The following ANKRD26 variants were observed in gnomAD, a reference collection of about 807,000 sequenced individuals.
The protein encoded by ANKRD26 is ankyrin repeat domain-containing protein 26.
Under a neutral mutation model 208.7 loss-of-function variants are expected in ANKRD26, and 141 were observed. The ratio of observed to expected loss-of-function variants is 0.68; its 90% CI spans 0.59 to 0.78. ANKRD26 has a LOEUF of 0.78. Among genes scored for constraint, ANKRD26 ranks in the 30% least tolerant of loss-of-function variants. The probability of loss-of-function intolerance (pLI) is 0.00; values close to 1 mark genes in which losing one functional copy is unlikely to be tolerated. For missense variants in ANKRD26, 1,889 were observed against 1,938.7 expected, an observed-to-expected ratio of 0.97 and a Z score of 0.48; for synonymous variants, 636 against 660.4, an observed-to-expected ratio of 0.96 and a Z score of 0.57.
intron 15 of ANKRD26, among the ~76,000 whole-genome samples, chr10:27,053,864 C>G (rs536971184): frequency 9.8e-5 from 15 of 152,310 alleles, no homozygotes; most frequent in African/African-American, 3.1e-4. Flanking sequence ...ATAATGTTCT[C>G]TATAACAGTA....
At chr10:27,016,253 T>C (rs2134952987) in intron 30 of ANKRD26, among the ~76,000 whole-genome samples, 1 of 152,250 alleles carries the variant, frequency 6.6e-6, no homozygotes, top group East Asian at 1.9e-4. Context: ...GCCCTCAAAG[T>C]GCTAGGATTA....
chr10:27,035,422 G>A lies in ANKRD26; in HGVS notation c.3028C>T (p.His1010Tyr), dbSNP rs1316533111. The change falls in exon 24 of 34, where the codon CAT becomes TAT. Residue 1010 changes from histidine (H) to tyrosine (Y), a missense_variant. Transcript: ENST00000376087. The stretch of plus-strand genomic sequence containing the variant: ...TGTATAGCAGCAGCCAATCTAGAAT[G>A]GTATGATTCAACTTCTGCTTCCAGT... The part of the protein sequence containing the change: ...ERLEAEVESY[H>Y]SRLAAAIHDR... 6.2e-7 allele frequency: 1 copy of A among 1,613,858 alleles called. No homozygotes were observed. The highest frequency in any genetic ancestry group is 1.1e-5 in the South Asian group (1 of 91,056).
the ANKRD26 span, among the ~76,000 whole-genome samples, chr10:26,954,968 G>T: frequency 6.7e-6 from 1 of 148,940 alleles, no homozygotes; most frequent in East Asian, 1.9e-4. Flanking sequence ...GCCATGTATT[G>T]CCTGGTCTTA....
In ANKRD26 at chr10:27,026,610, G is replaced by GT. The variant is rs1158166803; in HGVS notation, c.3973-2052dup. The stretch of plus-strand genomic sequence containing the variant: ...GCATCAACCTCATTGCTCCACTTTA[G>GT]TATTTACAATGCAACCTTCTGATCT... On this transcript the variant is annotated intron_variant, in intron 27 of 33. Coordinates refer to ENST00000376087, the MANE Select transcript of ANKRD26 (RefSeq NM_014915.3). Among the ~76,000 whole-genome samples, 15 of 152,274 alleles carry GT rather than the reference G, an allele frequency of 9.9e-5. No individual in the cohort carries two copies. In the South Asian group the frequency reaches 2.5e-3, roughly 25 times the overall value.
chr10:26,972,369 C>G (rs1458205031), downstream of ANKRD26, among the ~76,000 whole-genome samples: 3 of 151,600 alleles, frequency 2.0e-5, no homozygotes, highest in African/African-American at 7.3e-5. Context: ...AGTATACTCT[C>G]AAAATTCTAA....
At chr10:26,972,245 A>C (rs1222973273), downstream of ANKRD26, among the ~76,000 whole-genome samples, 2 of 151,784 alleles carry the variant, frequency 1.3e-5, no homozygotes, top group Non-Finnish European at 2.9e-5. Flanking sequence ...AAAAAAAAAA[A>C]AAAAAAGAAA....
At chr10:27,031,897 G>T (rs1373716569) in intron 25 of ANKRD26, among the ~76,000 whole-genome samples, 1 of 152,006 alleles carries the variant, frequency 6.6e-6, no homozygotes, top group African/African-American at 2.4e-5. Context: ...TTGCATTTTG[G>T]AGAAAAGTTA....
Position 27,035,751 on chromosome 10 carries a change from T to C in ANKRD26, c.2699A>G (p.Asn900Ser). 1.2e-6 allele frequency: 2 copies of C among 1,600,466 alleles called. No homozygotes were observed. Among genetic ancestry groups the C allele is most frequent in the Non-Finnish European group, 1.7e-6 (2 of 1,170,868 alleles). The change falls in exon 24 of 34, where the codon AAT becomes AGT. Residue 900 changes from asparagine to serine, a missense_variant and splice_region_variant. Asn to Ser is a conservative substitution (Grantham distance 46). This residue lies in a region of ANKRD26 where 1,272 missense variants were observed against 1,273.8 expected (regional missense o/e 1.00). Transcript: ENST00000376087. The part of the protein sequence containing the change: ...EMAQKKMNSE[N>S]SHSHEEEKDL... Reference sequence around the variant, plus strand: ...TTTTTCTTCTTCATGACTATGAGAATTCTAAGTAAAACAAAGGAAACTTTG... The same window carrying C: ...TTTTTCTTCTTCATGACTATGAGAACTCTAAGTAAAACAAAGGAAACTTTG...
intron 26 of ANKRD26, 32 bp downstream of exon 26, chr10:27,029,251 AATC>A (rs754101571): frequency 1.9e-6 from 3 of 1,579,498 alleles, no homozygotes; most frequent in African/African-American, 1.3e-5. Flanking sequence ...CTCTATAAAT[AATC>A]ATGTTTTTCT....
At chr10:26,960,125 G>A in the ANKRD26 span, among the ~76,000 whole-genome samples, 1 of 151,980 alleles carries the variant, frequency 6.6e-6, no homozygotes, top group Non-Finnish European at 1.5e-5. Context: ...CTCTAGCCTG[G>A]GGGACAGAGC....
intron 29 of ANKRD26, among the ~76,000 whole-genome samples, chr10:27,019,369 G>A (rs542885857): frequency 1.3e-5 from 2 of 152,210 alleles, no homozygotes; most frequent in Non-Finnish European, 2.9e-5. Flanking sequence ...AATTAATAGA[G>A]TGAAGAGAGA....
chr10:27,051,750 T>G (rs946932567), intron 16 of ANKRD26: 89 of 985,276 alleles, frequency 9.0e-5, no homozygotes, highest in Non-Finnish European at 9.6e-5. Flanking sequence ...GACAGGAGAA[T>G]CTTTTTCATC....
intron 5 of ANKRD26, among the ~76,000 whole-genome samples, chr10:27,085,169 C>T (rs539606205): frequency 1.1e-4 from 16 of 151,432 alleles, no homozygotes; most frequent in Non-Finnish European, 2.9e-5. Flanking sequence ...GACACAATCT[C>T]GGCTCACTGC....
chr10:26,961,071 G>T, the ANKRD26 span, among the ~76,000 whole-genome samples: 1 of 152,032 alleles, frequency 6.6e-6, no homozygotes, highest in African/African-American at 2.4e-5. Flanking sequence ...ACAAAAATTA[G>T]CTAGGTGTGG....
chr10:26,989,970 G>C (rs574304098), downstream of ANKRD26, among the ~76,000 whole-genome samples: 5 of 152,282 alleles, frequency 3.3e-5, no homozygotes, highest in Admixed American at 3.3e-4. Flanking sequence ...TCAAGTGCTA[G>C]AGAGTTCTCG....
intron 5 of ANKRD26, among the ~76,000 whole-genome samples, chr10:27,083,936 C>T (rs1417157096): frequency 1.3e-5 from 2 of 152,160 alleles, no homozygotes; most frequent in Non-Finnish European, 2.9e-5. Context: ...GCACCTAGGC[C>T]GGGTGCAGTG....
chr10:26,978,715 G>A (rs2052262618), intron 5 of ANKRD26, among the ~76,000 whole-genome samples: 1 of 152,164 alleles, frequency 6.6e-6, no homozygotes, highest in African/African-American at 2.4e-5. Context: ...CCCTGGGCAT[G>A]TATGCGCAAG....
At chr10:27,083,316 T>A (rs1410829999) in intron 5 of ANKRD26, among the ~76,000 whole-genome samples, 1 of 152,072 alleles carries the variant, frequency 6.6e-6, no homozygotes, top group Non-Finnish European at 1.5e-5. Context: ...AACTGATAGC[T>A]TTCACAAGGA....
chr10:27,017,412 A>AT lies in ANKRD26; in HGVS notation c.4506+89dup, dbSNP rs2053333075. 8.8e-6 allele frequency: 12 copies of AT among 1,367,682 alleles called. No individual in the cohort carries two copies. The South Asian group carries it at 1.3e-4, about 15-fold the overall frequency. The allele number at this position is 1,367,682 out of a possible 1,614,324, so 84.7% of individuals were successfully genotyped here. ...CTAGAAATCTACAGAACAAATTGCT[A>AT]TAAGGGATGTAGAGGAAACACATAT... is the stretch of plus-strand genomic sequence containing the variant. On this transcript the variant is annotated intron_variant, in intron 30 of 33. Transcript: ENST00000376087.
Sources: allele counts gnomAD v4.1 joint callset (sites outside exome capture counted in the v4.1 genomes callset), GRCh38; gene constraint gnomAD v4.1.1; regional missense constraint gnomAD v4.1.1; transcripts MANE v1.5; gene names NCBI Gene and HGNC (gene_info 2026-07-23, HGNC 2026-07-21).